ADAMTSL3: variants seen among roughly 807,000 people sequenced by gnomAD.
ADAMTSL3 encodes the protein ADAMTS like 3.
A neutral mutation model predicts 201.7 loss-of-function variants in ADAMTSL3; 128 were observed. The observed-to-expected ratio is 0.63, with a 90% CI of 0.55 to 0.73. The LOEUF is 0.73. Ranked by LOEUF, ADAMTSL3 falls within the 30% of genes least tolerant of loss-of-function variation. ADAMTSL3 has a pLI of 0.00. For missense variants in ADAMTSL3, 1,990 were observed against 2,119.6 expected (o/e 0.94, Z 1.20); for synonymous variants, 738 against 748.4 (o/e 0.99, Z 0.23).
chr15:83,904,319 T>C (rs2065793895), intron 15 of ADAMTSL3, among the ~76,000 whole-genome samples: 1 of 152,042 alleles, frequency 6.6e-6, no homozygotes, highest in Non-Finnish European at 1.5e-5. Flanking sequence ...ACTCTATTCA[T>C]TCCCTCGATT....
At chr15:83,869,982 T>C (rs2065051762) in intron 8 of ADAMTSL3, among the ~76,000 whole-genome samples, 1 of 152,108 alleles carries the variant, frequency 6.6e-6, no homozygotes, top group South Asian at 2.1e-4. Context: ...CTAAGTGTGG[T>C]GACACTTAGA....
At chr15:83,714,789 C>CTTTCTT (rs1567092987) in intron 3 of ADAMTSL3, among the ~76,000 whole-genome samples, 8 of 75,196 alleles carry the variant, frequency 1.1e-4, no homozygotes, top group African/African-American at 3.5e-4. Context: ...CTTTCTTTTT[C>CTTTCTT]TTTCTCTCTC....
chr15:83,711,514 C>G (rs2141532161), intron 3 of ADAMTSL3, among the ~76,000 whole-genome samples: 1 of 152,316 alleles, frequency 6.6e-6, no homozygotes, highest in Non-Finnish European at 1.5e-5. Flanking sequence ...TTGAATAGTT[C>G]ATTCCTTTGT....
intron 3 of ADAMTSL3, among the ~76,000 whole-genome samples, chr15:83,763,789 G>A (rs1044483743): frequency 1.3e-5 from 2 of 152,260 alleles, no homozygotes; most frequent in African/African-American, 4.8e-5. Context: ...ACAGGCGTGA[G>A]CCACCGCACC....
intron 3 of ADAMTSL3, among the ~76,000 whole-genome samples, chr15:83,760,272 A>C (rs951319264): frequency 2.0e-5 from 3 of 151,952 alleles, no homozygotes; most frequent in African/African-American, 7.3e-5. Context: ...GTATTTTCTA[A>C]TTTTCATTGT....
chr15:83,803,039 C>T (rs1217072689), intron 4 of ADAMTSL3, among the ~76,000 whole-genome samples: 4 of 151,988 alleles, frequency 2.6e-5, no homozygotes, highest in African/African-American at 9.7e-5. Context: ...GTATAATGGA[C>T]TATGATGTAA....
chr15:83,824,156 G>T (rs2063965383), intron 6 of ADAMTSL3, among the ~76,000 whole-genome samples: 1 of 150,800 alleles, frequency 6.6e-6, no homozygotes, highest in African/African-American at 2.4e-5. Flanking sequence ...CGATCCTCCT[G>T]CCTCAGCCTC....
At chr15:83,965,210 T>G (rs2067055513) in intron 19 of ADAMTSL3, among the ~76,000 whole-genome samples, 1 of 152,138 alleles carries the variant, frequency 6.6e-6, no homozygotes, top group East Asian at 1.9e-4. Flanking sequence ...ATGCCCCAAT[T>G]AAAAGACAGA....
At chr15:83,657,395 T>C (rs1490036157) in intron 2 of ADAMTSL3, among the ~76,000 whole-genome samples, 2 of 152,186 alleles carry the variant, frequency 1.3e-5, no homozygotes, top group Admixed American at 1.3e-4. Context: ...GCAGTGTGCA[T>C]AGAAGGTCAT....
At chr15:83,756,706 A>G (rs1329708550) in intron 3 of ADAMTSL3, among the ~76,000 whole-genome samples, 2 of 151,756 alleles carry the variant, frequency 1.3e-5, no homozygotes, top group East Asian at 3.9e-4. Context: ...TCTACAGTCT[A>G]AAGTCTTATC....
chr15:83,995,814 T>G (rs1391624733), intron 23 of ADAMTSL3, among the ~76,000 whole-genome samples: 4 of 152,134 alleles, frequency 2.6e-5, no homozygotes, highest in African/African-American at 9.6e-5. Flanking sequence ...TGGCTGAGAA[T>G]AGCCCAAACA....
intron 23 of ADAMTSL3, among the ~76,000 whole-genome samples, 180 bp downstream of exon 23, chr15:83,991,394 G>C (rs567712506): frequency 7.9e-5 from 12 of 152,270 alleles, no homozygotes; most frequent in Admixed American, 7.8e-4. Flanking sequence ...GGTCATACTG[G>C]CTCATGAGAC....
At chr15:83,721,117 T>C (rs78838378) in intron 3 of ADAMTSL3, among the ~76,000 whole-genome samples, 4,485 of 152,364 alleles carry the variant, frequency 0.029, 80 homozygotes, top group Non-Finnish European at 0.043. Context: ...TTTATGTTTT[T>C]ATTTTTTGTT....
chr15:83,697,338 A>C (rs2061699997), intron 2 of ADAMTSL3, among the ~76,000 whole-genome samples: 1 of 152,150 alleles, frequency 6.6e-6, no homozygotes, highest in South Asian at 2.1e-4. Flanking sequence ...TTCACTGGAC[A>C]CCACTGGGTA....
At chr15:83,993,384 A>G (rs2067619864) in intron 23 of ADAMTSL3, among the ~76,000 whole-genome samples, 1 of 152,222 alleles carries the variant, frequency 6.6e-6, no homozygotes, top group Non-Finnish European at 1.5e-5. Context: ...ATTAAAACAT[A>G]ATTTACAAAA....
At chr15:83,721,835 C>T (rs2062105458) in intron 3 of ADAMTSL3, among the ~76,000 whole-genome samples, 3 of 152,114 alleles carry the variant, frequency 2.0e-5, no homozygotes, top group African/African-American at 7.2e-5. Context: ...TGGGTTCAAG[C>T]GATTCTCCTA....
At chr15:84,021,324 C>A in intron 25 of ADAMTSL3, 86 bp from the exon 26 acceptor site, 1 of 1,468,760 alleles carries the variant, frequency 6.8e-7, no homozygotes, top group Non-Finnish European at 9.4e-7. Context: ...CAAAAAACAT[C>A]TCATGGTGGT....
intron 25 of ADAMTSL3, among the ~76,000 whole-genome samples, chr15:84,017,189 C>T (rs1009375391): frequency 3.9e-5 from 6 of 152,166 alleles, no homozygotes; most frequent in African/African-American, 1.4e-4. Context: ...GTGATCTCAG[C>T]TCACTGCAAG....
At chr15:83,821,862 G>A (rs1220071667) in intron 6 of ADAMTSL3, among the ~76,000 whole-genome samples, 7 of 149,568 alleles carry the variant, frequency 4.7e-5, no homozygotes, top group Admixed American at 3.3e-4. Flanking sequence ...GCGGCTGGCC[G>A]GGCTGGGGGC....
Sources: allele counts gnomAD v4.1 joint callset (sites outside exome capture counted in the v4.1 genomes callset), GRCh38; gene constraint gnomAD v4.1.1; transcripts MANE v1.5; gene names NCBI Gene and HGNC (gene_info 2026-07-23, HGNC 2026-07-21).